The following RIT2 variants were observed in gnomAD, a reference collection of about 807,000 sequenced individuals.
RIT2 encodes GTP-binding protein Rit2.
Under a neutral mutation model 23.7 loss-of-function variants are expected in RIT2, and 24 were observed. The observed-to-expected ratio is 1.01, with a 90% CI of 0.73 to 1.43. The LOEUF (loss-of-function observed/expected upper bound fraction) is 1.43. Ranked by LOEUF, RIT2 falls within the 40% of genes most tolerant of loss-of-function variation. RIT2 has a pLI of 0.00. For synonymous variants in RIT2, 107 were observed against 91.1 expected (o/e 1.17, Z -0.99); for missense variants, 236 against 266.9 (o/e 0.88, Z 0.81).
chr18:42,997,686 G>GA (rs144223181), intron 2 of RIT2, among the ~76,000 whole-genome samples: 12,779 of 151,446 alleles, frequency 0.084, 777 homozygotes, highest in East Asian at 0.24. Context: ...AATCAAAACT[G>GA]AAAAAAAATC....
chr18:43,000,643 G>T (rs1911082782), intron 2 of RIT2, among the ~76,000 whole-genome samples: 1 of 151,926 alleles, frequency 6.6e-6, no homozygotes, highest in Admixed American at 6.6e-5. Flanking sequence ...CATGAAGGTG[G>T]TTCCCCTATG....
intron 4 of RIT2, among the ~76,000 whole-genome samples, chr18:42,817,172 T>A (rs1350192523): frequency 6.6e-6 from 1 of 152,188 alleles, no homozygotes; most frequent in African/African-American, 2.4e-5. Context: ...TAAACAGATC[T>A]GAATTCACTT....
At chr18:42,915,191 A>T (rs965511587) in intron 4 of RIT2, among the ~76,000 whole-genome samples, 1 of 147,498 alleles carries the variant, frequency 6.8e-6, no homozygotes, top group Non-Finnish European at 1.5e-5. Context: ...CACACCATGC[A>T]CTTGATTATC....
At position 42,891,029 on chromosome 18, in the gene RIT2, C is replaced by T. The variant is rs532493756; in HGVS notation, c.426+32543G>A. Among the ~76,000 whole-genome samples the T allele has an allele frequency of 2.6e-5, 4 of 152,156 alleles. No homozygotes were observed. In the South Asian group the frequency reaches 6.2e-4, roughly 24 times the overall value. On this transcript the variant is annotated intron_variant, in intron 4 of 4. Coordinates refer to ENST00000326695, the MANE Select transcript of RIT2 (RefSeq NM_002930.4). ...CTTTGGGTGCATGAGGAGGTTGAATCCTCCAACAGACATATTAAACTAAAA... is the reference window on the plus strand; with the variant it reads ...CTTTGGGTGCATGAGGAGGTTGAATTCTCCAACAGACATATTAAACTAAAA...
At chr18:42,853,602 T>G (rs980529430) in intron 4 of RIT2, among the ~76,000 whole-genome samples, 2 of 152,222 alleles carry the variant, frequency 1.3e-5, no homozygotes, top group African/African-American at 4.8e-5. Context: ...TATTTTTGGC[T>G]TCTTTACTCA....
In RIT2 at chr18:43,016,804, C is replaced by T. The variant is rs545120579; in HGVS notation, c.160+17007G>A. ...AATATTTTTCTCCATGTCCTCACTT[C>T]GTGCTGAATAAATGCATACTAATAT... On this transcript the variant is annotated intron_variant, in intron 2 of 4. Transcript: ENST00000326695. 2.6e-5 allele frequency among the ~76,000 whole-genome samples: 4 copies of T among 151,968 alleles called. No individual in the cohort carries two copies. In the South Asian group the frequency reaches 6.2e-4, roughly 24 times the overall value.
At chr18:42,794,856 G>T (rs1327275199) in intron 4 of RIT2, among the ~76,000 whole-genome samples, 1 of 152,124 alleles carries the variant, frequency 6.6e-6, no homozygotes, top group Non-Finnish European at 1.5e-5. Context: ...GAGAAATAAT[G>T]CACAATAAAA....
intron 4 of RIT2, among the ~76,000 whole-genome samples, chr18:42,871,386 G>A (rs531379958): frequency 3.9e-5 from 6 of 152,134 alleles, no homozygotes; most frequent in South Asian, 4.2e-4. Context: ...GTGTGTGTGT[G>A]TATACATGCA....
At chr18:42,745,948 C>A (rs1912906994) in intron 4 of RIT2, among the ~76,000 whole-genome samples, 1 of 152,070 alleles carries the variant, frequency 6.6e-6, no homozygotes, top group Admixed American at 6.6e-5. Flanking sequence ...CCTAAAGGCC[C>A]TTGTGGCTTG....
At chr18:42,852,125 A>T (rs529027766) in intron 4 of RIT2, among the ~76,000 whole-genome samples, 1 of 152,302 alleles carries the variant, frequency 6.6e-6, no homozygotes, top group East Asian at 1.9e-4. Context: ...CTGTTCTCTA[A>T]ATTAAGCCAT....
chr18:42,798,984 T>C (rs1905448715), intron 4 of RIT2, among the ~76,000 whole-genome samples: 1 of 152,224 alleles, frequency 6.6e-6, no homozygotes, highest in Admixed American at 6.5e-5. Flanking sequence ...CCAGTCTCAT[T>C]GCATAAACTG....
chr18:43,037,979 C>T lies in RIT2; in HGVS notation c.104-4112G>A, dbSNP rs542676807. On this transcript the variant is annotated intron_variant, in intron 1 of 4. Transcript: ENST00000326695. ...CAGTACTTTGAGAGGCCAAGGCGGGCGGATCACGAGGTCAGGAGATCGAGA... is the reference window on the plus strand; with the variant it reads ...CAGTACTTTGAGAGGCCAAGGCGGGTGGATCACGAGGTCAGGAGATCGAGA... Among the ~76,000 whole-genome samples, 272 of 151,772 alleles carry T rather than the reference C, an allele frequency of 1.8e-3. 1 individual carries two copies. The highest frequency in any genetic ancestry group is 2.8e-3 in the Non-Finnish European group (187 of 67,950).
At chr18:42,842,468 TC>T (rs1309131661) in intron 4 of RIT2, among the ~76,000 whole-genome samples, 2 of 152,290 alleles carry the variant, frequency 1.3e-5, no homozygotes, top group East Asian at 3.9e-4. Context: ...AATGTATTTT[TC>T]TCAGTATAAG....
chr18:43,108,409 G>C (rs1420252643), intron 1 of RIT2, among the ~76,000 whole-genome samples: 1 of 151,862 alleles, frequency 6.6e-6, no homozygotes, highest in Non-Finnish European at 1.5e-5. Context: ...AGACAGTAAA[G>C]CCTTCCTCAC....
intron 4 of RIT2, among the ~76,000 whole-genome samples, chr18:42,883,228 C>T (rs1412851308): frequency 6.6e-6 from 1 of 151,980 alleles, no homozygotes; most frequent in Non-Finnish European, 1.5e-5. Context: ...AAATGCTGCA[C>T]AAAACACTAC....
At chr18:42,814,900 T>C (rs1473608367) in intron 4 of RIT2, among the ~76,000 whole-genome samples, 2 of 152,088 alleles carry the variant, frequency 1.3e-5, no homozygotes, top group Non-Finnish European at 2.9e-5. Context: ...ACGTGCTGGG[T>C]GGCTAGATCC....
At chr18:43,084,020 A>C (rs1913220895) in intron 1 of RIT2, among the ~76,000 whole-genome samples, 1 of 152,186 alleles carries the variant, frequency 6.6e-6, no homozygotes, top group Non-Finnish European at 1.5e-5. Context: ...TCCATGAGGA[A>C]CACAAATAAA....
chr18:43,020,808 T>C (rs986284483), intron 2 of RIT2, among the ~76,000 whole-genome samples: 2 of 152,056 alleles, frequency 1.3e-5, no homozygotes, highest in Non-Finnish European at 2.9e-5. Context: ...TAGATATCCA[T>C]ATGCAAAAGA....
chr18:42,874,522 T>C (rs1030326043), intron 4 of RIT2, among the ~76,000 whole-genome samples: 4 of 152,122 alleles, frequency 2.6e-5, no homozygotes, highest in African/African-American at 9.7e-5. Flanking sequence ...AGAAAATAAA[T>C]TTTAATTGAA....
Sources: allele counts gnomAD v4.1 joint callset (sites outside exome capture counted in the v4.1 genomes callset), GRCh38; gene constraint gnomAD v4.1.1; transcripts MANE v1.5; gene names NCBI Gene and HGNC (gene_info 2026-07-23, HGNC 2026-07-21).